FGF14: variants seen among roughly 807,000 people sequenced by gnomAD.
FGF14 encodes the protein fibroblast growth factor homologous factor 4.
FGF14 carries 5 observed loss-of-function variants against 25.5 expected under a neutral mutation model. The observed-to-expected ratio is 0.20, with a 90% CI of 0.10 to 0.41. FGF14 has a LOEUF of 0.41. FGF14 is among the 10% of genes least tolerant of loss of function. The pLI is 1.00. For missense variants in FGF14, 222 were observed against 320.1 expected (o/e 0.69, Z 2.34); for synonymous variants, 138 against 118.3 (o/e 1.17, Z -1.08).
intron 1 of FGF14, among the ~76,000 whole-genome samples, chr13:102,106,388 T>C (rs1214329379): frequency 2.0e-5 from 3 of 152,028 alleles, no homozygotes; most frequent in Non-Finnish European, 4.4e-5. Flanking sequence ...CTGGCTAACA[T>C]GGTGAAACCC....
At chr13:102,026,829 T>C (rs1181085278) in intron 1 of FGF14, among the ~76,000 whole-genome samples, 1 of 151,384 alleles carries the variant, frequency 6.6e-6, no homozygotes, top group Non-Finnish European at 1.5e-5. Flanking sequence ...AAAGGTCACT[T>C]TTAAGTGAGG....
intron 1 of FGF14, among the ~76,000 whole-genome samples, chr13:101,908,869 C>A (rs900884979): frequency 7.2e-5 from 11 of 152,216 alleles, no homozygotes; most frequent in Non-Finnish European, 1.5e-4. Flanking sequence ...ACCAAAACAG[C>A]ATGGTACTGG....
intron 1 of FGF14, among the ~76,000 whole-genome samples, chr13:102,006,995 C>T (rs140665661): frequency 0.044 from 6,636 of 151,868 alleles, 472 homozygotes; most frequent in African/African-American, 0.15. Context: ...CCACCCGCCT[C>T]GGCCTCCCAA....
At position 102,387,450 on chromosome 13, in the gene FGF14, T is replaced by C. The variant is rs112040583; in HGVS notation, c.208+14021A>G. On this transcript the variant is annotated intron_variant, in intron 1 of 4. Coordinates refer to the FGF14 transcript ENST00000376131. ...CTAGAGCCACAGCAGCATGCTGGAATTCTTACAGAAAAAATAATGGTCCAA... is the reference window on the plus strand; with the variant it reads ...CTAGAGCCACAGCAGCATGCTGGAACTCTTACAGAAAAAATAATGGTCCAA... Among the ~76,000 whole-genome samples the C allele has an allele frequency of 8.0e-3, 1,213 of 152,286 alleles. 13 individuals are homozygous for C. The highest frequency in any genetic ancestry group is 0.028 in the African/African-American group (1,156 of 41,564).
At chr13:101,853,477 G>A (rs945899140) in intron 3 of FGF14, among the ~76,000 whole-genome samples, 9 of 151,978 alleles carry the variant, frequency 5.9e-5, no homozygotes, top group African/African-American at 2.2e-4. Flanking sequence ...GTTAGAGACA[G>A]GGCCTTGCTA....
intron 1 of FGF14, among the ~76,000 whole-genome samples, chr13:102,117,414 T>C (rs2045523551): frequency 6.6e-6 from 1 of 152,172 alleles, no homozygotes; most frequent in Non-Finnish European, 1.5e-5. Context: ...GACTTTTAAG[T>C]GAGCCAATTC....
In FGF14 at chr13:102,015,680, G is replaced by A. The variant is rs182156906; in HGVS notation, c.209-140384C>T. Among the ~76,000 whole-genome samples, 13 of 152,204 alleles carry A rather than the reference G, an allele frequency of 8.5e-5. 1 individual carries two copies. In the East Asian group the frequency reaches 2.5e-3, roughly 29 times the overall value. ...GACTGTAAACTCCCCATGGGGTCAA[G>A]GCCTGGAGGATAGGGTGGTAGGAAC... On this transcript the variant is annotated intron_variant, in intron 1 of 4. Coordinates refer to the FGF14 transcript ENST00000376131.
At chr13:101,912,444 A>G (rs1383815683) in intron 1 of FGF14, among the ~76,000 whole-genome samples, 1 of 152,174 alleles carries the variant, frequency 6.6e-6, no homozygotes, top group Non-Finnish European at 1.5e-5. Flanking sequence ...TTGATTGAAA[A>G]ATTCATAATA....
intron 1 of FGF14, among the ~76,000 whole-genome samples, chr13:102,152,915 T>C (rs2047151529): frequency 6.6e-6 from 1 of 152,194 alleles, no homozygotes; most frequent in Admixed American, 6.5e-5. Context: ...TTTTGGCTGC[T>C]TGGGAAACCA....
At chr13:101,792,899 TTA>T (rs34577660) in intron 3 of FGF14, among the ~76,000 whole-genome samples, 2 of 151,724 alleles carry the variant, frequency 1.3e-5, no homozygotes, top group African/African-American at 2.4e-5. Context: ...CAAATTATAG[TTA>T]TATATATATA....
intron 1 of FGF14, chr13:102,367,143 G>T (rs1467630082): frequency 6.6e-6 from 1 of 152,202 alleles, no homozygotes; most frequent in Non-Finnish European, 1.5e-5. Flanking sequence ...TGTGGGTCAA[G>T]AATTATTTGG....
chr13:101,839,290 T>C (rs1031377962), intron 3 of FGF14, among the ~76,000 whole-genome samples: 3 of 152,082 alleles, frequency 2.0e-5, no homozygotes, highest in African/African-American at 7.2e-5. Context: ...TCATGGCCCA[T>C]GTGAAGTCTA....
In FGF14 at chr13:101,718,557, G is replaced by C. The variant is rs1025172894; in HGVS notation, c.*4274C>G. On this transcript the variant is annotated 3_prime_UTR_variant, in exon 5 of 5. Coordinates refer to ENST00000376143, the MANE Select transcript of FGF14 (RefSeq NM_004115.4). ...GAAGGTGTTGGCACTAACGCTGCTT[G>C]TTTGGCAAATCATCATCACTGAGGT... is the stretch of plus-strand genomic sequence containing the variant. 4 of 136,862 alleles carry C rather than the reference G, an allele frequency of 2.9e-5. No individual in the cohort carries two copies. The highest frequency in any genetic ancestry group is 1.1e-4 in the African/African-American group (4 of 37,028). 8.5% of individuals were successfully genotyped at this position (136,862 alleles called of 1,614,324 possible). A position where few individuals can be genotyped will look rare whatever the true frequency, so the allele number is the denominator to read the frequency against.
At chr13:102,022,535 G>C (rs1473497264) in intron 1 of FGF14, among the ~76,000 whole-genome samples, 1 of 151,996 alleles carries the variant, frequency 6.6e-6, no homozygotes, top group Non-Finnish European at 1.5e-5. Flanking sequence ...TGCTGAATTG[G>C]TATGAAGATG....
intron 1 of FGF14, among the ~76,000 whole-genome samples, chr13:102,297,062 T>A (rs1019208115): frequency 6.6e-6 from 1 of 152,088 alleles, no homozygotes; most frequent in East Asian, 1.9e-4. Flanking sequence ...CTCAGACAGG[T>A]GCTCAAAGTC....
intron 3 of FGF14, among the ~76,000 whole-genome samples, chr13:101,780,312 G>T (rs2039411557): frequency 6.6e-6 from 1 of 152,162 alleles, no homozygotes; most frequent in South Asian, 2.1e-4. Context: ...TCTATCTTTT[G>T]AAGGTAGTTG....
chr13:102,143,500 C>A (rs749217533), intron 1 of FGF14, among the ~76,000 whole-genome samples: 2 of 152,008 alleles, frequency 1.3e-5, no homozygotes, highest in Non-Finnish European at 2.9e-5. Flanking sequence ...TAATTATGAC[C>A]CTCTACTAAA....
intron 1 of FGF14, among the ~76,000 whole-genome samples, chr13:102,186,413 G>A (rs2048877188): frequency 6.6e-6 from 1 of 152,028 alleles, no homozygotes; most frequent in South Asian, 2.1e-4. Flanking sequence ...TATGCCACTA[G>A]GTATAATCTG....
At chr13:102,321,579 G>T (rs191774090) in intron 1 of FGF14, among the ~76,000 whole-genome samples, 1 of 151,914 alleles carries the variant, frequency 6.6e-6, no homozygotes, top group Non-Finnish European at 1.5e-5. Flanking sequence ...TTTAAAGTAC[G>T]TTTGTGTGCA....
Sources: gnomAD v4.1 joint callset for allele counts (sites outside exome capture counted in the v4.1 genomes callset) on GRCh38, gnomAD v4.1.1 for gene constraint, MANE v1.5 for transcripts, NCBI Gene and HGNC (gene_info 2026-07-23, HGNC 2026-07-21) for gene names.